The following PLD1 variants were observed in gnomAD, a reference collection of about 807,000 sequenced individuals.
The protein encoded by PLD1 is phospholipase D1.
In PLD1, 112 loss-of-function variants were observed where a neutral mutation model predicts 137.1. The observed-to-expected ratio is 0.82, with a 90% confidence interval of 0.70 to 0.96. PLD1 has a LOEUF of 0.96. Among genes scored for constraint, PLD1 ranks in the 40% least tolerant of loss-of-function variants. The pLI is 0.00. For missense variants in PLD1, 1,321 were observed against 1,342.0 expected (o/e 0.98, Z 0.24); for synonymous variants, 431 against 454.7 (o/e 0.95, Z 0.66).
At chr3:171,800,532 A>ATATACAAT (rs941587861) in intron 1 of PLD1, among the ~76,000 whole-genome samples, 1 of 152,138 alleles carries the variant, frequency 6.6e-6, no homozygotes, top group African/African-American at 2.4e-5. Flanking sequence ...TAAAAGGCAA[A>ATATACAAT]TATACAATAG....
rs550178804 is a variant in PLD1 at position 171,799,267 on chromosome 3, C to T, written c.-32+11132G>A. Among the ~76,000 whole-genome samples the T allele has an allele frequency of 8.4e-5, 11 of 130,626 alleles. No individual in the cohort carries two copies. The South Asian group carries it at 1.3e-3, about 16-fold the overall frequency. 85.7% of individuals were successfully genotyped at this position (130,626 alleles called of 152,430 possible). ...GGCAGGAGAATTGCTTGAACCCAGGCGGTGGAGGTTGCAGTGAGCCAAGAT... is the reference window on the plus strand; with the variant it reads ...GGCAGGAGAATTGCTTGAACCCAGGTGGTGGAGGTTGCAGTGAGCCAAGAT... On this transcript the variant is annotated intron_variant, in intron 1 of 26. Transcript: ENST00000351298.
At chr3:171,747,412 T>C (rs941705838) in intron 1 of PLD1, among the ~76,000 whole-genome samples, 1 of 151,936 alleles carries the variant, frequency 6.6e-6, no homozygotes, top group African/African-American at 2.4e-5. Context: ...TGTGGGAAGC[T>C]ATGGCCAGCC....
At chr3:171,761,955 T>G (rs1377552025) in intron 1 of PLD1, among the ~76,000 whole-genome samples, 1 of 152,224 alleles carries the variant, frequency 6.6e-6, no homozygotes, top group Non-Finnish European at 1.5e-5. Flanking sequence ...TGCAAAGGTC[T>G]CAGATTAATA....
At position 171,685,203 on chromosome 3, in the gene PLD1, G is replaced by A. The variant is rs909461554; in HGVS notation, c.1867+1482C>T. Among the ~76,000 whole-genome samples, 10 of 152,074 alleles carry A rather than the reference G, an allele frequency of 6.6e-5. 1 individual carries two copies. The stretch of plus-strand genomic sequence containing the variant: ...GGCCCAAGACAATTCTTCTTCCAAT[G>A]TGGTCCACGGAAGCCAAAAGATTGG... On this transcript the variant is annotated intron_variant, in intron 16 of 26. Coordinates refer to ENST00000351298, the MANE Select transcript of PLD1 (RefSeq NM_002662.5).
chr3:171,660,707 G>A (rs541859755), intron 20 of PLD1, among the ~76,000 whole-genome samples: 1 of 152,190 alleles, frequency 6.6e-6, no homozygotes, highest in East Asian at 1.9e-4. Context: ...CCAGGTTCAA[G>A]TGATTCTCCT....
rs1280671683 is a variant in PLD1, at chr3:171,602,118, T to A, written c.*960A>T. The A allele has an allele frequency of 1.3e-5, 2 of 152,232 alleles. No individual in the cohort carries two copies. Among genetic ancestry groups the A allele is most frequent in the African/African-American group, 2.4e-5 (1 of 41,464 alleles). 9.4% of individuals were successfully genotyped at this position (152,232 alleles called of 1,614,324 possible). A position where few individuals can be genotyped will look rare whatever the true frequency, so the allele number is the denominator to read the frequency against. ...TTGAAAGACAAACTGTATTCACTAG[T>A]TTGATTTTGAAATGTAGAGATCAAA... On this transcript the variant is annotated 3_prime_UTR_variant, in exon 27 of 27. Coordinates refer to ENST00000351298, the MANE Select transcript of PLD1 (RefSeq NM_002662.5).
intron 21 of PLD1, among the ~76,000 whole-genome samples, chr3:171,652,925 T>G (rs1736910897): frequency 6.6e-6 from 1 of 152,082 alleles, no homozygotes; most frequent in Admixed American, 6.6e-5. Context: ...CATTCAATTT[T>G]TTATATTTCA....
In PLD1 at chr3:171,687,393, G is replaced by T. The variant is rs752071560; in HGVS notation, c.1731C>A (p.Ile577=). 1.2e-6 allele frequency: 2 copies of T among 1,614,150 alleles called. No homozygotes were observed. The highest frequency in any genetic ancestry group is 4.5e-5 in the East Asian group (2 of 44,884). The change falls in exon 15 of 27, where the codon ATC becomes ATA. Residue 577 remains isoleucine (I), a synonymous_variant. Transcript: ENST00000351298. ...HRHHLHDADS[I]SSIDSTSSYF... ...TACTGGAGGTGCTGTCAATGCTGCTGATGCTATCTGCGTCGTGCAGGTGGT... is the reference window on the plus strand; with the variant it reads ...TACTGGAGGTGCTGTCAATGCTGCTTATGCTATCTGCGTCGTGCAGGTGGT...
chr3:171,609,201 C>G (rs1732443721), intron 25 of PLD1, among the ~76,000 whole-genome samples: 1 of 151,902 alleles, frequency 6.6e-6, no homozygotes, highest in Admixed American at 6.6e-5. Flanking sequence ...CATTTCACAC[C>G]AATCAGAATG....
At chr3:171,663,504 TA>T (rs1012278910) in intron 19 of PLD1, among the ~76,000 whole-genome samples, 1 of 152,220 alleles carries the variant, frequency 6.6e-6, no homozygotes, top group African/African-American at 2.4e-5. Flanking sequence ...TGGTATCTAT[TA>T]AGTGGTTATA....
At chr3:171,725,395 G>A (rs561068362) in intron 7 of PLD1, among the ~76,000 whole-genome samples, 3 of 152,244 alleles carry the variant, frequency 2.0e-5, no homozygotes, top group African/African-American at 7.2e-5. Flanking sequence ...TGAGCTAGTT[G>A]AGCCATGCCA....
chr3:171,800,929 C>G (rs1193677670), intron 1 of PLD1, among the ~76,000 whole-genome samples: 2 of 152,208 alleles, frequency 1.3e-5, no homozygotes, highest in African/African-American at 4.8e-5. Context: ...CTAAAGGCCT[C>G]ACCTCCTAAT....
intron 12 of PLD1, among the ~76,000 whole-genome samples, chr3:171,697,788 C>T (rs1006628058): frequency 1.6e-4 from 25 of 152,164 alleles, no homozygotes; most frequent in African/African-American, 5.8e-4. Context: ...TGGGAAAGCC[C>T]AATGCTTTCC....
At chr3:171,740,522 T>C (rs753571160) in intron 1 of PLD1, among the ~76,000 whole-genome samples, 7 of 152,216 alleles carry the variant, frequency 4.6e-5, no homozygotes, top group Non-Finnish European at 8.8e-5. Context: ...CTTTGCCAAC[T>C]TTCTTAACAT....
chr3:171,661,189 G>A (rs933388295), intron 20 of PLD1, among the ~76,000 whole-genome samples: 5 of 152,016 alleles, frequency 3.3e-5, no homozygotes, highest in Admixed American at 3.3e-4. Context: ...AACAAATAAA[G>A]CTCCAATTCT....
intron 21 of PLD1, among the ~76,000 whole-genome samples, chr3:171,655,271 A>G (rs928012534): frequency 1.3e-5 from 2 of 152,338 alleles, no homozygotes; most frequent in African/African-American, 4.8e-5. Flanking sequence ...AGAGAGGGGT[A>G]AGTTTGGGAT....
chr3:171,671,704 T>C (rs2108465093), intron 19 of PLD1, among the ~76,000 whole-genome samples: 1 of 152,168 alleles, frequency 6.6e-6, no homozygotes, highest in South Asian at 2.1e-4. Flanking sequence ...TCATATTCCT[T>C]CTTGGTGGTT....
chr3:171,801,441 T>C (rs1723642092), intron 1 of PLD1, among the ~76,000 whole-genome samples: 3 of 152,272 alleles, frequency 2.0e-5, no homozygotes, highest in South Asian at 4.1e-4. Context: ...TTCTTGTTTT[T>C]GTTTTGAGAC....
chr3:171,714,192 C>T (rs940657076), intron 8 of PLD1, 147 bp from the exon 9 acceptor site: 49 of 545,458 alleles, frequency 9.0e-5, no homozygotes, highest in African/African-American at 3.9e-5. Flanking sequence ...TTTTTTTAAT[C>T]GCTATGAAAC....
Sources: gnomAD v4.1 joint callset for allele counts (sites outside exome capture counted in the v4.1 genomes callset) on GRCh38, gnomAD v4.1.1 for gene constraint, MANE v1.5 for transcripts, NCBI Gene and HGNC (gene_info 2026-07-23, HGNC 2026-07-21) for gene names.